ATXN2: variants seen among roughly 807,000 people sequenced by gnomAD.
ATXN2 encodes ataxin-2.
ATXN2 carries 37 observed loss-of-function variants against 138.6 expected under a neutral mutation model. That is an observed-to-expected ratio of 0.27 (90% CI 0.21 to 0.35). The LOEUF (loss-of-function observed/expected upper bound fraction) is 0.35. Ranked by LOEUF, ATXN2 falls within the 10% of genes least tolerant of loss-of-function variation. The pLI, the probability that ATXN2 is intolerant of heterozygous loss-of-function variation, is 1.00. For missense variants in ATXN2, 1,216 were observed against 1,480.3 expected, an observed-to-expected ratio of 0.82 and a Z score of 2.93; for synonymous variants, 549 against 543.7, an observed-to-expected ratio of 1.01 and a Z score of -0.13.
intron 5 of ATXN2, among the ~76,000 whole-genome samples, chr12:111,543,746 G>A (rs1270398393): frequency 6.6e-6 from 1 of 152,086 alleles, no homozygotes; most frequent in Non-Finnish European, 1.5e-5. Flanking sequence ...AGAGTACATG[G>A]CGTATATGAA....
rs1261841087 is a variant in ATXN2 at position 111,453,287 on chromosome 12, T to C, written c.3439+390A>G. ...CCACAGCGCTTTCTCAGCAGTATCTTCTCCAGAGCTACAATCAAACTCTGC... is the reference window on the plus strand; with the variant it reads ...CCACAGCGCTTTCTCAGCAGTATCTCCTCCAGAGCTACAATCAAACTCTGC... On this transcript the variant is annotated intron_variant, in intron 24 of 24. Transcript: ENST00000673436. The surrounding 1 kb of genome is among the most constrained non-coding windows in gnomAD (Gnocchi z 5.4). 109 of 1,059,696 alleles carry C rather than the reference T, an allele frequency of 1.0e-4. 2 individuals are homozygous for C. Among genetic ancestry groups the C allele is most frequent in the Non-Finnish European group, 3.2e-5 (28 of 878,776 alleles). The allele number at this position is 1,059,696 out of a possible 1,614,324, so 65.6% of individuals were successfully genotyped here.
In ATXN2 at chr12:111,486,372, T is replaced by C. The variant is rs535899446; in HGVS notation, c.2304+389A>G. Among the ~76,000 whole-genome samples, 421 of 152,336 alleles carry C rather than the reference T, an allele frequency of 2.8e-3. 4 individuals carry two copies. The highest frequency in any genetic ancestry group is 9.6e-3 in the African/African-American group (398 of 41,574). Reference sequence around the variant, plus strand: ...AAGGTAAATGCTTTACTGTATTGTTTTGGAATAATGACAAGGAAACGTCTG... The same window carrying C: ...AAGGTAAATGCTTTACTGTATTGTTCTGGAATAATGACAAGGAAACGTCTG... On this transcript the variant is annotated intron_variant, in intron 16 of 24. Transcript: ENST00000673436.
At chr12:111,556,355 G>A (rs1004590484) in intron 1 of ATXN2, among the ~76,000 whole-genome samples, 17 of 152,186 alleles carry the variant, frequency 1.1e-4, no homozygotes, top group African/African-American at 3.4e-4. Flanking sequence ...TAGCCTGGGC[G>A]ACAAAGCAAG....
At chr12:111,505,323 C>T (rs1879041857) in intron 14 of ATXN2, among the ~76,000 whole-genome samples, 1 of 152,120 alleles carries the variant, frequency 6.6e-6, no homozygotes, top group African/African-American at 2.4e-5. Context: ...TTAGATACGA[C>T]ACCAAAAGCT....
intron 5 of ATXN2, among the ~76,000 whole-genome samples, chr12:111,547,830 TTGAGAA>T (rs1881895999): frequency 6.8e-6 from 1 of 147,558 alleles, no homozygotes; most frequent in South Asian, 2.1e-4. Context: ...CTTATATTGC[TTGAGAA>T]TTTTTTTTTT....
chr12:111,488,638 G>A lies in ATXN2; in HGVS notation c.2078C>T (p.Thr693Ile), dbSNP rs1421533492. The part of the protein sequence containing the change: ...SFIENSSSNC[T>I]SGSSKPNSPS... ...GCTATTCGGCTTGCTGCTGCCACTG[G>A]TACAGTTGCTGCTGCTATTTTCAAT... Residue 693 changes from threonine to isoleucine, a missense_variant, in exon 15 of 25, where the codon ACC (threonine) becomes ATC (isoleucine). This residue lies in a region of ATXN2 where 490 missense variants were observed against 653.5 expected (regional missense o/e 0.75). Coordinates refer to ENST00000673436, the MANE Select transcript of ATXN2 (RefSeq NM_001372574.1). 6.2e-7 allele frequency: 1 copy of A among 1,614,062 alleles called. No homozygotes were observed. Among genetic ancestry groups the A allele is most frequent in the Non-Finnish European group, 8.5e-7 (1 of 1,180,004 alleles).
intron 1 of ATXN2, among the ~76,000 whole-genome samples, chr12:111,593,331 G>C (rs1884774329): frequency 1.3e-5 from 2 of 151,984 alleles, no homozygotes. Flanking sequence ...CTGACCCCAG[G>C]TGATCCACCC....
At chr12:111,472,072 C>T (rs1337609930) in intron 18 of ATXN2, 1 of 152,122 alleles carries the variant, frequency 6.6e-6, no homozygotes, top group East Asian at 1.9e-4. Flanking sequence ...TGGGACCACC[C>T]TGGGCAACAT....
rs764921127 is a variant in ATXN2, at chr12:111,513,459, C to T, written c.1456G>A (p.Gly486Ser). The change falls in exon 11 of 25, where the codon GGC becomes AGC. Residue 486 changes from glycine to serine, a missense_variant. By Grantham distance (56) the Gly-to-Ser change is moderately conservative. This residue lies in a region of ATXN2 where 215 missense variants were observed against 210.0 expected (regional missense o/e 1.02). Transcript: ENST00000673436. Reference protein sequence around the residue: ...VSAGRGSISSGLEFVSHNPPS... With the variant: ...VSAGRGSISSSLEFVSHNPPS... ...GGGTTGTGGGATACAAATTCTAGGC[C>T]ACTGGATATGGAACCCCTCCCAGCA... 3 of 1,613,866 alleles carry T rather than the reference C, an allele frequency of 1.9e-6. No individual in the cohort carries two copies. Among genetic ancestry groups the T allele is most frequent in the Non-Finnish European group, 2.5e-6 (3 of 1,180,008 alleles).
At chr12:111,531,019 G>A (rs550223478) in intron 5 of ATXN2, among the ~76,000 whole-genome samples, 1 of 152,228 alleles carries the variant, frequency 6.6e-6, no homozygotes, top group Non-Finnish European at 1.5e-5. Context: ...TCGGGAGGCT[G>A]AAGCAGGAGA....
chr12:111,489,084 T>G (rs546782904), intron 14 of ATXN2, among the ~76,000 whole-genome samples: 3 of 152,296 alleles, frequency 2.0e-5, no homozygotes, highest in African/African-American at 7.2e-5. Flanking sequence ...TTCTATCCTC[T>G]TATACTTGTC....
Position 111,599,228 on chromosome 12 carries a change from C to T in ATXN2, c.-194G>A. The T allele has an allele frequency of 1.7e-6, 2 of 1,200,022 alleles. No individual in the cohort carries two copies. Among genetic ancestry groups the T allele is most frequent in the Non-Finnish European group, 2.1e-6 (2 of 968,614 alleles). The allele number at this position is 1,200,022 out of a possible 1,614,324, so 74.3% of individuals were successfully genotyped here. A position where few individuals can be genotyped will look rare whatever the true frequency, so the allele number is the denominator to read the frequency against. On this transcript the variant is annotated 5_prime_UTR_variant, in exon 1 of 25. Coordinates refer to ENST00000673436, the MANE Select transcript of ATXN2 (RefSeq NM_001372574.1). ...GAAGGGGCGGGGAGGCCCGCCGAGA[C>T]CAAGGAGCCGCCGGGAGCCGGGCCG...
At chr12:111,581,460 A>G in intron 1 of ATXN2, 1 of 880,102 alleles carries the variant, frequency 1.1e-6, no homozygotes, top group Non-Finnish European at 1.9e-6. Flanking sequence ...GAGGAGCAAG[A>G]GGTGGCTGTG....
chr12:111,590,690 A>AAAAAAACCACAC (rs924326048), intron 1 of ATXN2, among the ~76,000 whole-genome samples: 2 of 151,762 alleles, frequency 1.3e-5, no homozygotes, highest in African/African-American at 4.9e-5. Context: ...TCTAATTAAA[A>AAAAAAACCACAC]AAAAAAAAAC....
At chr12:111,525,118 C>T in intron 6 of ATXN2, 74 bp downstream of exon 6, 4 of 1,511,798 alleles carry the variant, frequency 2.6e-6, no homozygotes, top group East Asian at 4.6e-5. Flanking sequence ...AACAAAAGCA[C>T]ATTTAAATTA....
chr12:111,461,315 CA>C (rs1875562922), intron 21 of ATXN2: 2 of 151,888 alleles, frequency 1.3e-5, no homozygotes, highest in Admixed American at 1.3e-4. Flanking sequence ...ACTAAAAATA[CA>C]AAAATTAGCT....
chr12:111,516,483 G>A lies in ATXN2; in HGVS notation c.1166-120C>T. ...TTTCTTGTACATTTTAACCCTTTGA[G>A]GACAGTCATTTGATTTGTGATAAGT... On this transcript the variant is annotated intron_variant, in intron 9 of 24. Transcript: ENST00000673436. This position sits in a 1 kb window ranked among gnomAD's most constrained non-coding sequence, Gnocchi z 5.0. The A allele has an allele frequency of 2.1e-6, 2 of 940,122 alleles. No homozygotes were observed. Among genetic ancestry groups the A allele is most frequent in the Admixed American group, 3.0e-5 (1 of 33,842 alleles). The allele number at this position is 940,122 out of a possible 1,614,324, so 58.2% of individuals were successfully genotyped here. A position where few individuals can be genotyped will look rare whatever the true frequency, so the allele number is the denominator to read the frequency against.
intron 18 of ATXN2, 63 bp from the exon 19 acceptor site, chr12:111,470,805 C>T: frequency 6.4e-7 from 1 of 1,551,510 alleles, no homozygotes; most frequent in Non-Finnish European, 8.8e-7. Context: ...CATGTGTTCA[C>T]ATGGTCTAGG....
At position 111,573,156 on chromosome 12, in the gene ATXN2, G is replaced by A. The variant is rs562472875; in HGVS notation, c.252-17237C>T. On this transcript the variant is annotated intron_variant, in intron 1 of 24. Coordinates refer to ENST00000673436, the MANE Select transcript of ATXN2 (RefSeq NM_001372574.1). ...AATTTTATTGCTGACAATAATCACC[G>A]GATTGTTTTCTTCATTATTGTTATT... Among the ~76,000 whole-genome samples the A allele has an allele frequency of 4.0e-5, 6 of 151,480 alleles. No individual in the cohort carries two copies. The East Asian group carries it at 5.8e-4, about 15-fold the overall frequency.
Sources: allele counts gnomAD v4.1 joint callset (sites outside exome capture counted in the v4.1 genomes callset), GRCh38; gene constraint gnomAD v4.1.1; regional missense constraint gnomAD v4.1.1; non-coding constraint Gnocchi (gnomAD v3.1); transcripts MANE v1.5; gene names NCBI Gene and HGNC (gene_info 2026-07-23, HGNC 2026-07-21).